PDE8A: variants seen among roughly 807,000 people sequenced by gnomAD.
PDE8A encodes high affinity cAMP-specific and IBMX-insensitive 3',5'-cyclic phosphodiesterase 8A.
In PDE8A, 59 loss-of-function variants were observed where a neutral mutation model predicts 105.0. The observed-to-expected ratio is 0.56, with a 90% CI of 0.46 to 0.70. PDE8A has a LOEUF of 0.70. PDE8A is among the 30% of genes least tolerant of loss of function. PDE8A has a pLI of 0.00. For missense variants in PDE8A, 1,014 were observed against 1,045.9 expected, an observed-to-expected ratio of 0.97 and a Z score of 0.42; for synonymous variants, 355 against 371.9, an observed-to-expected ratio of 0.95 and a Z score of 0.52.
chr15:84,988,313 A>G (rs2079835612), intron 1 of PDE8A, among the ~76,000 whole-genome samples: 1 of 152,206 alleles, frequency 6.6e-6, no homozygotes, highest in Non-Finnish European at 1.5e-5. Flanking sequence ...CAGATTTCAC[A>G]GGACAACTGG....
chr15:85,136,470 G>A lies in PDE8A; in HGVS notation c.2254-64G>A, dbSNP rs574000191. ...CAGGAGAAGCTCTTCCTGGGGGAGG[G>A]GCTGCCCCTAGGTGGAGTGGAACCA... On this transcript the variant is annotated intron_variant, in intron 20 of 21. Transcript: ENST00000394553. The A allele has an allele frequency of 7.8e-6, 12 of 1,543,180 alleles. No homozygotes were observed. The African/African-American group carries it at 1.1e-4, about 14-fold the overall frequency.
intron 9 of PDE8A, chr15:85,099,664 G>A (rs1370139531): frequency 8.8e-6 from 2 of 227,662 alleles, no homozygotes; most frequent in Non-Finnish European, 1.7e-5. Flanking sequence ...GTTGGAACTT[G>A]AAGAAAAGCA....
At chr15:84,982,422 C>CGGGCGG (rs1596403156) in intron 1 of PDE8A, 74 bp downstream of exon 1, 1 of 1,010,780 alleles carries the variant, frequency 9.9e-7, no homozygotes, top group East Asian at 3.3e-5. Flanking sequence ...CCGCAGGGGC[C>CGGGCGG]GGGCGGGGTC....
intron 1 of PDE8A, among the ~76,000 whole-genome samples, chr15:85,011,809 C>T (rs891469099): frequency 2.0e-5 from 3 of 151,912 alleles, no homozygotes; most frequent in Non-Finnish European, 4.4e-5. Context: ...TGACAAAGGG[C>T]TAATATCCAG....
chr15:85,013,535 T>C (rs2080274162), intron 1 of PDE8A, among the ~76,000 whole-genome samples: 1 of 152,222 alleles, frequency 6.6e-6, no homozygotes, highest in Admixed American at 6.5e-5. Flanking sequence ...ATAAAGGAAT[T>C]GTGTTTAAAG....
chr15:85,092,366 G>A (rs1259448788), intron 8 of PDE8A, among the ~76,000 whole-genome samples: 1 of 151,666 alleles, frequency 6.6e-6, no homozygotes, highest in Non-Finnish European at 1.5e-5. Context: ...ACTAGAGGGA[G>A]TGGAAGGTCC....
chr15:85,068,047 T>G (rs1462269400), intron 3 of PDE8A, among the ~76,000 whole-genome samples: 1 of 150,634 alleles, frequency 6.6e-6, no homozygotes, highest in Non-Finnish European at 1.5e-5. Flanking sequence ...CCAGATTTCT[T>G]TTTTTTTTTC....
At position 85,086,865 on chromosome 15, in the gene PDE8A, C is replaced by T. The variant is rs540012853; in HGVS notation, c.636-2473C>T. 8.5e-5 allele frequency among the ~76,000 whole-genome samples: 13 copies of T among 152,138 alleles called. No individual in the cohort carries two copies. The East Asian group carries it at 2.5e-3, about 30-fold the overall frequency. ...TCCCAGGTTCAAGCGATTCTCCTGC[C>T]TCAGCCTCCCAAGTAGCTGGTATTA... On this transcript the variant is annotated intron_variant, in intron 6 of 21. Transcript: ENST00000394553.
At chr15:85,055,947 T>C (rs1156692481) in intron 1 of PDE8A, among the ~76,000 whole-genome samples, 2 of 152,222 alleles carry the variant, frequency 1.3e-5, no homozygotes, top group African/African-American at 2.4e-5. Flanking sequence ...TGGCTGGTAC[T>C]GGTTGTTCCT....
intron 1 of PDE8A, among the ~76,000 whole-genome samples, chr15:85,053,566 C>T (rs2081009981): frequency 6.6e-6 from 1 of 152,056 alleles, no homozygotes; most frequent in Non-Finnish European, 1.5e-5. Context: ...CCTAGGTATT[C>T]TATTCTCTTG....
At chr15:85,043,790 C>A (rs544853687) in intron 1 of PDE8A, among the ~76,000 whole-genome samples, 4 of 152,102 alleles carry the variant, frequency 2.6e-5, no homozygotes, top group Non-Finnish European at 5.9e-5. Context: ...CTCTGCCTCC[C>A]GGGTTCAGGT....
chr15:85,029,799 G>A (rs2080581632), intron 1 of PDE8A, among the ~76,000 whole-genome samples: 1 of 152,130 alleles, frequency 6.6e-6, no homozygotes, highest in South Asian at 2.1e-4. Context: ...ACAGCATTCA[G>A]AACTAAAAAG....
intron 1 of PDE8A, among the ~76,000 whole-genome samples, chr15:85,038,817 G>T (rs2080752258): frequency 1.3e-5 from 2 of 152,110 alleles, no homozygotes; most frequent in South Asian, 2.1e-4. Context: ...TGGATTGGCT[G>T]TTATCAAAAA....
chr15:85,056,903 AG>A (rs1448587440), intron 1 of PDE8A, among the ~76,000 whole-genome samples: 8 of 152,204 alleles, frequency 5.3e-5, no homozygotes, highest in African/African-American at 1.9e-4. Context: ...TCCGATTTTT[AG>A]AATGTTCAGC....
intron 7 of PDE8A, among the ~76,000 whole-genome samples, chr15:85,090,230 C>T (rs1187231692): frequency 1.3e-5 from 2 of 152,174 alleles, no homozygotes; most frequent in African/African-American, 4.8e-5. Flanking sequence ...TTGTTTAATC[C>T]AGCTGAATCT....
chr15:85,117,907 C>A, intron 17 of PDE8A, 68 bp downstream of exon 17: 1 of 1,229,044 alleles, frequency 8.1e-7, no homozygotes, highest in Non-Finnish European at 1.2e-6. Context: ...GCTTCTGCCT[C>A]CACTAAGATA....
chr15:85,034,942 A>G (rs2080678599), intron 1 of PDE8A, among the ~76,000 whole-genome samples: 1 of 152,306 alleles, frequency 6.6e-6, no homozygotes, highest in Admixed American at 6.5e-5. Context: ...ATAAGTGACC[A>G]TTAGACAAAA....
chr15:84,998,135 G>C (rs2080009783), intron 1 of PDE8A, among the ~76,000 whole-genome samples: 1 of 152,150 alleles, frequency 6.6e-6, no homozygotes, highest in African/African-American at 2.4e-5. Context: ...ATTCCTGAGT[G>C]GGACCTTTGA....
intron 7 of PDE8A, chr15:85,090,604 G>A (rs2081625435): frequency 2.5e-5 from 7 of 276,400 alleles, no homozygotes; most frequent in East Asian, 1.8e-4. Context: ...AGTCTCAGAG[G>A]GATTAAGTGA....
Sources: allele counts gnomAD v4.1 joint callset (sites outside exome capture counted in the v4.1 genomes callset), GRCh38; gene constraint gnomAD v4.1.1; transcripts MANE v1.5; gene names NCBI Gene and HGNC (gene_info 2026-07-23, HGNC 2026-07-21).